FOXN3: variants seen among roughly 807,000 people sequenced by gnomAD.
FOXN3 encodes forkhead box protein N3.
In FOXN3, 7 loss-of-function variants were observed where a neutral mutation model predicts 38.4. The observed-to-expected ratio is 0.18, with a 90% CI of 0.10 to 0.34. The LOEUF is 0.34. Among genes scored for constraint, FOXN3 ranks in the 10% least tolerant of loss-of-function variants. FOXN3 has a pLI of 1.00. For synonymous variants in FOXN3, 230 were observed against 242.2 expected, an observed-to-expected ratio of 0.95 and a Z score of 0.47; for missense variants, 456 against 613.4, an observed-to-expected ratio of 0.74 and a Z score of 2.71.
At chr14:89,546,329 C>CTTTCTTTTTTTTT (rs1555359724) in intron 1 of FOXN3, among the ~76,000 whole-genome samples, 24 of 78,314 alleles carry the variant, frequency 3.1e-4, no homozygotes, top group African/African-American at 1.3e-3. Context: ...TTTCCTTTTT[C>CTTTCTTTTTTTTT]TTTTTTTTTT....
chr14:89,246,845 G>A lies in FOXN3; in HGVS notation c.745+34105C>T, dbSNP rs551837509. On this transcript the variant is annotated intron_variant, in intron 4 of 5. Coordinates refer to ENST00000557258, the MANE Select transcript of FOXN3 (RefSeq NM_005197.4). ...TGAGCCACTGTGCCCAGCCGGATGC[G>A]GCTTTATGGCTGAAGAAAAGAGAGC... Among the ~76,000 whole-genome samples the A allele has an allele frequency of 6.2e-4, 94 of 152,154 alleles. 2 individuals are homozygous for A. Among genetic ancestry groups the A allele is most frequent in the African/African-American group, 2.1e-3 (89 of 41,500 alleles).
intron 3 of FOXN3, among the ~76,000 whole-genome samples, chr14:89,333,976 A>ATATCTATATATC (rs1566959293): frequency 3.2e-4 from 1 of 3,084 alleles, no homozygotes; most frequent in African/African-American, 6.3e-4. Flanking sequence ...GTATATATAT[A>ATATCTATATATC]TATATATATA....
chr14:89,179,758 T>A (rs373666426), intron 5 of FOXN3, among the ~76,000 whole-genome samples: 2 of 152,206 alleles, frequency 1.3e-5, no homozygotes, highest in Admixed American at 6.5e-5. Context: ...CAGACCACAT[T>A]AAAAAAAGCA....
intron 2 of FOXN3, among the ~76,000 whole-genome samples, chr14:89,390,950 G>C (rs1430413366): frequency 1.3e-5 from 2 of 152,212 alleles, no homozygotes; most frequent in Non-Finnish European, 2.9e-5. Flanking sequence ...ATGAGTCGAA[G>C]ACAGGGTAGG....
At chr14:89,338,221 T>C (rs1888520670) in intron 3 of FOXN3, among the ~76,000 whole-genome samples, 1 of 152,184 alleles carries the variant, frequency 6.6e-6, no homozygotes, top group South Asian at 2.1e-4. Context: ...CATCTGGACT[T>C]GTGACTGTAA....
At chr14:89,201,890 T>C (rs1010573117) in intron 4 of FOXN3, among the ~76,000 whole-genome samples, 1 of 152,166 alleles carries the variant, frequency 6.6e-6, no homozygotes, top group Non-Finnish European at 1.5e-5. Flanking sequence ...GTGGGGGTGC[T>C]CATAGTGGCT....
At chr14:89,440,570 C>T (rs1020562154) in intron 1 of FOXN3, among the ~76,000 whole-genome samples, 1 of 152,204 alleles carries the variant, frequency 6.6e-6, no homozygotes, top group Non-Finnish European at 1.5e-5. Flanking sequence ...CTTTTCCTGG[C>T]TCAAAAAGCA....
At chr14:89,180,898 G>T in intron 4 of FOXN3, 92 bp from the exon 5 acceptor site, 1 of 1,034,824 alleles carries the variant, frequency 9.7e-7, no homozygotes. Flanking sequence ...ACCAATAAGA[G>T]AGAGAGAGAG....
chr14:89,194,222 C>A (rs950766119), intron 4 of FOXN3, among the ~76,000 whole-genome samples: 1 of 151,962 alleles, frequency 6.6e-6, no homozygotes, highest in African/African-American at 2.4e-5. Context: ...AGCTTAATGT[C>A]TTTTGTGTTC....
intron 4 of FOXN3, among the ~76,000 whole-genome samples, chr14:89,205,593 G>A (rs1014487187): frequency 1.3e-5 from 2 of 152,214 alleles, no homozygotes; most frequent in Non-Finnish European, 2.9e-5. Flanking sequence ...GCGGGACGAC[G>A]CGGAATTTGG....
chr14:89,317,900 T>G (rs546653681), intron 3 of FOXN3, among the ~76,000 whole-genome samples: 1 of 149,492 alleles, frequency 6.7e-6, no homozygotes, highest in African/African-American at 2.5e-5. Flanking sequence ...ACTGCACATG[T>G]GAGGGATCTA....
At chr14:89,206,092 G>T (rs947642929) in intron 4 of FOXN3, among the ~76,000 whole-genome samples, 2 of 152,182 alleles carry the variant, frequency 1.3e-5, no homozygotes, top group African/African-American at 4.8e-5. Flanking sequence ...CCTTGATTTT[G>T]GACTTCCCAG....
chr14:89,296,611 G>A (rs1009222055), intron 3 of FOXN3, among the ~76,000 whole-genome samples: 2 of 152,186 alleles, frequency 1.3e-5, no homozygotes, highest in African/African-American at 4.8e-5. Flanking sequence ...GACTTCCCCA[G>A]AGGACATCTG....
At chr14:89,507,264 G>A (rs1893962180) in intron 1 of FOXN3, among the ~76,000 whole-genome samples, 1 of 152,168 alleles carries the variant, frequency 6.6e-6, no homozygotes, top group African/African-American at 2.4e-5. Context: ...CCTGAAAACA[G>A]TAAGCATTGG....
At chr14:89,407,192 T>C (rs920528776) in intron 2 of FOXN3, among the ~76,000 whole-genome samples, 3 of 152,110 alleles carry the variant, frequency 2.0e-5, no homozygotes, top group African/African-American at 7.2e-5. Context: ...GAGAAGCAAG[T>C]TACACGAAAT....
Position 89,512,727 on chromosome 14 carries a change from T to A in FOXN3, c.-14-100237A>T, listed in dbSNP as rs552898960. On this transcript the variant is annotated intron_variant, in intron 1 of 6. Coordinates refer to the FOXN3 transcript ENST00000345097. ...ACTGCCTTCAGCTCAAAATAATCAA[T>A]GTGTCAAAGAGACATATTTTGGGGT... Among the ~76,000 whole-genome samples the A allele has an allele frequency of 2.0e-5, 3 of 152,190 alleles. No homozygotes were observed. The East Asian group carries it at 5.8e-4, about 29-fold the overall frequency.
At chr14:89,347,357 G>C (rs1013807721) in intron 3 of FOXN3, among the ~76,000 whole-genome samples, 6 of 152,094 alleles carry the variant, frequency 3.9e-5, no homozygotes, top group Admixed American at 3.3e-4. Flanking sequence ...GTGATGTTTC[G>C]ACAGGCCAAG....
At chr14:89,251,095 T>C (rs1431704059) in intron 4 of FOXN3, among the ~76,000 whole-genome samples, 2 of 152,210 alleles carry the variant, frequency 1.3e-5, no homozygotes, top group Non-Finnish European at 2.9e-5. Context: ...AGAAAAAGAT[T>C]AGTATTTGAA....
intron 1 of FOXN3, among the ~76,000 whole-genome samples, chr14:89,574,817 G>A (rs572072294): frequency 2.0e-5 from 3 of 152,156 alleles, no homozygotes; most frequent in East Asian, 1.9e-4. Context: ...AAAGACCTCC[G>A]AGGCTCCTCC....
Sources: allele counts gnomAD v4.1 joint callset (sites outside exome capture counted in the v4.1 genomes callset), GRCh38; gene constraint gnomAD v4.1.1; transcripts MANE v1.5; gene names NCBI Gene and HGNC (gene_info 2026-07-23, HGNC 2026-07-21).